HSPD1: variants seen among roughly 807,000 people sequenced by gnomAD.
HSPD1 encodes the protein heat shock protein family D (Hsp60) member 1.
Under a neutral mutation model 53.0 loss-of-function variants are expected in HSPD1, and 3 were observed. The observed-to-expected ratio is 0.06, with a 90% CI of 0.03 to 0.15. HSPD1 has a LOEUF of 0.15. HSPD1 is among the 10% of genes least tolerant of loss of function. The probability of loss-of-function intolerance (pLI) is 1.00; values close to 1 mark genes in which losing one functional copy is unlikely to be tolerated. For synonymous variants in HSPD1, 200 were observed against 228.0 expected (o/e 0.88, Z 1.10); for missense variants, 431 against 694.1 (o/e 0.62, Z 4.26).
At chr2:197,496,523 T>C (rs547211675) in intron 3 of HSPD1, among the ~76,000 whole-genome samples, 137 of 152,312 alleles carry the variant, frequency 9.0e-4, no homozygotes, top group African/African-American at 3.2e-3. Context: ...ATAGCAATTC[T>C]GCTGATAGGA....
chr2:197,495,560 C>T (rs1205905686), intron 3 of HSPD1, among the ~76,000 whole-genome samples, 184 bp from the exon 4 acceptor site: 1 of 151,534 alleles, frequency 6.6e-6, no homozygotes, highest in Non-Finnish European at 1.5e-5. Flanking sequence ...GATCATGGCT[C>T]ACTGCAGCCC....
intron 3 of HSPD1, 71 bp from the exon 4 acceptor site, chr2:197,495,447 G>T: frequency 9.3e-7 from 1 of 1,073,254 alleles, no homozygotes; most frequent in Non-Finnish European, 1.4e-6. Flanking sequence ...GAAATCTTGA[G>T]ATTTGTGACA....
At chr2:197,490,753 G>A (rs1310054285) in intron 7 of HSPD1, among the ~76,000 whole-genome samples, 1 of 152,108 alleles carries the variant, frequency 6.6e-6, no homozygotes, top group Admixed American at 6.5e-5. Flanking sequence ...TCACATCACA[G>A]TAAGTTATAG....
chr2:197,491,489 A>T (rs2086092124), intron 7 of HSPD1, among the ~76,000 whole-genome samples: 1 of 152,142 alleles, frequency 6.6e-6, no homozygotes, highest in South Asian at 2.1e-4. Flanking sequence ...CCAAAAAAGC[A>T]AATCCAAGCT....
At chr2:197,493,810 T>A (rs2086122822) in intron 6 of HSPD1, among the ~76,000 whole-genome samples, 1 of 151,880 alleles carries the variant, frequency 6.6e-6, no homozygotes, top group African/African-American at 2.4e-5. Context: ...ATTAAAAAAT[T>A]CAAAAATTGG....
At chr2:197,493,119 C>G (rs143495218) in intron 7 of HSPD1, among the ~76,000 whole-genome samples, 1 of 152,078 alleles carries the variant, frequency 6.6e-6, no homozygotes, top group East Asian at 1.9e-4. Flanking sequence ...GAAAGCTGAT[C>G]AAAATAGTAA....
At chr2:197,500,054 CG>C, upstream of HSPD1, 1 of 242,056 alleles carries the variant, frequency 4.1e-6, no homozygotes, top group Non-Finnish European at 8.2e-6. Flanking sequence ...GTCTAGTTCC[CG>C]GGCCTCGCTC....
At chr2:197,496,563 T>C (rs995583810) in intron 3 of HSPD1, among the ~76,000 whole-genome samples, 2 of 152,148 alleles carry the variant, frequency 1.3e-5, no homozygotes, top group Admixed American at 1.3e-4. Flanking sequence ...AGCTAATAAA[T>C]GACAAACATG....
Position 197,497,699 on chromosome 2 carries a change from T to G in HSPD1, c.175-307A>C, listed in dbSNP as rs1349889788. On this transcript the variant is annotated intron_variant, in intron 2 of 11. Coordinates refer to ENST00000388968, the MANE Select transcript of HSPD1 (RefSeq NM_002156.5). ...ACACAAGACAAAGAATAAAACAATC[T>G]TCCTATCACTTATACTTTAGTTAGT... 2.0e-5 allele frequency among the ~76,000 whole-genome samples: 3 copies of G among 152,248 alleles called. No homozygotes were observed. The East Asian group carries it at 5.8e-4, about 29-fold the overall frequency.
intron 3 of HSPD1, among the ~76,000 whole-genome samples, chr2:197,496,685 T>C (rs1484133333): frequency 6.6e-6 from 1 of 152,210 alleles, no homozygotes; most frequent in Admixed American, 6.5e-5. Flanking sequence ...TAACATGGTG[T>C]GTGCTATTAA....
chr2:197,499,399 C>G (rs1049423881), intron 1 of HSPD1: 9 of 164,044 alleles, frequency 5.5e-5, no homozygotes, highest in African/African-American at 2.2e-4. Flanking sequence ...TCCGAACGCC[C>G]CCAGCAAGGT....
intron 11 of HSPD1, 89 bp from the exon 12 acceptor site, chr2:197,487,287 C>A (rs2086038104): frequency 2.5e-6 from 3 of 1,186,214 alleles, no homozygotes; most frequent in East Asian, 5.1e-5. Context: ...GTGGCTCACA[C>A]CTGTAATCCA....
chr2:197,499,928 T>A (rs1249881016), upstream of HSPD1: 2 of 154,638 alleles, frequency 1.3e-5, no homozygotes, highest in Non-Finnish European at 2.9e-5. Flanking sequence ...TGCAGGCAGC[T>A]CCCACCCACT....
At chr2:197,488,799 C>T (rs1488711811) in intron 9 of HSPD1, among the ~76,000 whole-genome samples, 1 of 152,104 alleles carries the variant, frequency 6.6e-6, no homozygotes, top group African/African-American at 2.4e-5. Context: ...ACCCAAGAGG[C>T]GGAGGTTGCA....
chr2:197,492,989 G>T (rs2086113193), intron 7 of HSPD1, among the ~76,000 whole-genome samples: 1 of 148,898 alleles, frequency 6.7e-6, no homozygotes, highest in Non-Finnish European at 1.5e-5. Context: ...CCTGGGCCAG[G>T]GAGTGAGACT....
chr2:197,489,253 A>G lies in HSPD1; in HGVS notation c.970-6T>C, dbSNP rs749499239. 3.5e-5 allele frequency: 56 copies of G among 1,613,968 alleles called. No individual in the cohort carries two copies. The highest frequency in any genetic ancestry group is 3.8e-5 in the Non-Finnish European group (45 of 1,179,976). ...AATCCCTCTTCTCCAAACACCTACA[A>G]AAAGAGTTAAACGTAAACCTGTTGT... On this transcript the variant is annotated splice_polypyrimidine_tract_variant and splice_region_variant and intron_variant, in intron 8 of 11. Coordinates refer to ENST00000388968, the MANE Select transcript of HSPD1 (RefSeq NM_002156.5).
intron 2 of HSPD1, 111 bp from the exon 3 acceptor site, chr2:197,497,503 G>A (rs1029777286): frequency 9.7e-6 from 11 of 1,130,414 alleles, no homozygotes; most frequent in Non-Finnish European, 1.5e-5. Flanking sequence ...AACGTAAGTT[G>A]TGTCATTTTT....
chr2:197,494,669 G>A lies in HSPD1; in HGVS notation c.594C>T (p.Val198=), dbSNP rs1422288583. ...CAAACACACTTGCCTTTACTGTGATGACACCCTTTCTTCCAACTTTTTTCA... is the reference window on the plus strand; with the variant it reads ...CAAACACACTTGCCTTTACTGTGATAACACCCTTTCTTCCAACTTTTTTCA... ...DAMKKVGRKG[V]ITVKDGKTLN... The change falls in exon 5 of 12, where the codon GTC becomes GTT. Residue 198 remains valine, a synonymous_variant. Coordinates refer to ENST00000388968, the MANE Select transcript of HSPD1 (RefSeq NM_002156.5). 6.3e-7 allele frequency: 1 copy of A among 1,597,760 alleles called. No individual in the cohort carries two copies. Among genetic ancestry groups the A allele is most frequent in the Admixed American group, 1.7e-5 (1 of 59,992 alleles).
chr2:197,499,002 A>T, intron 1 of HSPD1, 152 bp from the exon 2 acceptor site: 1 of 757,722 alleles, frequency 1.3e-6, no homozygotes, highest in Non-Finnish European at 2.3e-6. Context: ...AAGGCGCCGC[A>T]GCTTCGGAAC....
Sources: gnomAD v4.1 joint callset for allele counts (sites outside exome capture counted in the v4.1 genomes callset) on GRCh38, gnomAD v4.1.1 for gene constraint, MANE v1.5 for transcripts, NCBI Gene and HGNC (gene_info 2026-07-23, HGNC 2026-07-21) for gene names.